Variants in DISP1 observed in about 807,000 individuals in gnomAD.
DISP1 encodes the protein protein dispatched homolog 1.
A neutral mutation model predicts 37.3 loss-of-function variants in DISP1; 30 were observed. The observed-to-expected ratio is 0.80, with a 90% confidence interval of 0.60 to 1.09. The LOEUF is 1.09. Ranked by LOEUF, DISP1 falls within the 50% of genes least tolerant of loss-of-function variation. The pLI is 0.00. For missense variants in DISP1, 1,598 were observed against 1,879.5 expected, an observed-to-expected ratio of 0.85 and a Z score of 2.77; for synonymous variants, 634 against 690.2, an observed-to-expected ratio of 0.92 and a Z score of 1.28.
At chr1:222,979,036 A>G (rs985862823) in intron 3 of DISP1, among the ~76,000 whole-genome samples, 1 of 152,088 alleles carries the variant, frequency 6.6e-6, no homozygotes, top group Non-Finnish European at 1.5e-5. Flanking sequence ...ACTTTAAAGT[A>G]GTTTTTTCCA....
At chr1:222,998,977 C>T (rs771163815) in intron 8 of DISP1, among the ~76,000 whole-genome samples, 4 of 152,082 alleles carry the variant, frequency 2.6e-5, no homozygotes, top group Non-Finnish European at 4.4e-5. Context: ...GAGGAGGGTC[C>T]GGCAGTCAAT....
chr1:222,891,635 T>C (rs1670948583), intron 1 of DISP1, among the ~76,000 whole-genome samples: 1 of 152,092 alleles, frequency 6.6e-6, no homozygotes. Context: ...GGATTACTGC[T>C]TGGGAAACCA....
chr1:222,968,473 G>C (rs1234667416), intron 3 of DISP1, among the ~76,000 whole-genome samples: 1 of 152,092 alleles, frequency 6.6e-6, no homozygotes, highest in African/African-American at 2.4e-5. Context: ...ACTGTTACTA[G>C]ATGACATGAA....
rs1422541653 is a variant in DISP1, at chr1:222,863,400, GT to G, written c.-159+48323del. On this transcript the variant is annotated intron_variant, in intron 1 of 8. Coordinates refer to ENST00000675850, the MANE Select transcript of DISP1 (RefSeq NM_001377229.1). ...CTGGGCATAGTGGCGTGTGCCTGTG[GT>G]CCCAGCTACTTGGGAGGGAGGCTGA... 4.6e-5 allele frequency among the ~76,000 whole-genome samples: 7 copies of G among 152,118 alleles called. No homozygotes were observed. The East Asian group carries it at 1.2e-3, about 25-fold the overall frequency.
intron 1 of DISP1, among the ~76,000 whole-genome samples, chr1:222,917,915 G>A (rs2125435445): frequency 6.6e-6 from 1 of 152,308 alleles, no homozygotes; most frequent in Non-Finnish European, 1.5e-5. Context: ...GTGGGAAAAT[G>A]TCATAAGTGT....
At chr1:222,867,425 T>C (rs1164695217) in intron 1 of DISP1, among the ~76,000 whole-genome samples, 1 of 152,182 alleles carries the variant, frequency 6.6e-6, no homozygotes, top group Non-Finnish European at 1.5e-5. Flanking sequence ...CTTAAGTGGC[T>C]TGCTTTCTTG....
At chr1:222,824,115 C>G (rs984916611) in intron 1 of DISP1, among the ~76,000 whole-genome samples, 1 of 152,118 alleles carries the variant, frequency 6.6e-6, no homozygotes, top group Admixed American at 6.5e-5. Flanking sequence ...TATTAAGTTA[C>G]ATATTAATTT....
intron 1 of DISP1, among the ~76,000 whole-genome samples, chr1:222,904,579 T>A (rs567190384): frequency 3.0e-4 from 46 of 151,682 alleles, no homozygotes; most frequent in East Asian, 1.5e-3. Context: ...ATTTTATTTT[T>A]TTTTTTGAGA....
chr1:222,938,397 G>A (rs748942115), intron 2 of DISP1, among the ~76,000 whole-genome samples: 3 of 151,500 alleles, frequency 2.0e-5, no homozygotes, highest in East Asian at 1.9e-4. Context: ...AGTTCCCTCC[G>A]TCTTAGGCTC....
rs765644354 is a variant in DISP1, at chr1:222,943,164, C to T, written c.341C>T (p.Ser114Leu). ...CCTGCAGCACCCTCTGCTTTGGCCT[C>T]GTGTTGCATGCAGCCACACTCCGAG... Reference protein sequence around the residue: ...AGPAAPSALASCCMQPHSEYS... With the variant: ...AGPAAPSALALCCMQPHSEYS... The change falls in exon 3 of 9, where the codon TCG (serine) becomes TTG (leucine). Residue 114 changes from serine to leucine, a missense_variant. Physicochemically the swap from Ser to Leu is moderately radical, Grantham distance 145. Transcript: ENST00000675850. 8.1e-5 allele frequency: 130 copies of T among 1,611,512 alleles called. 1 individual carries two copies. The highest frequency in any genetic ancestry group is 1.1e-4 in the Non-Finnish European group (127 of 1,177,844).
At position 222,943,087 on chromosome 1, in the gene DISP1, T is replaced by A; in HGVS notation, c.264T>A (p.His88Gln). The A allele has an allele frequency of 6.2e-7, 1 of 1,614,184 alleles. No homozygotes were observed. Among genetic ancestry groups the A allele is most frequent in the Non-Finnish European group, 8.5e-7 (1 of 1,180,020 alleles). The part of the protein sequence containing the change: ...LPQCCHPCPY[H>Q]HPLTSHSSHQ... ...AATGCTGCCATCCTTGCCCATACCA[T>A]CACCCTTTGACTAGCCATAGCAGTC... Residue 88 changes from histidine (H) to glutamine (Q), a missense_variant, in exon 3 of 9, where the codon CAT becomes CAA. By Grantham distance (24) the His-to-Gln change is conservative. Transcript: ENST00000675850.
intron 1 of DISP1, among the ~76,000 whole-genome samples, chr1:222,877,001 GT>G (rs1364925826): frequency 4.6e-5 from 7 of 152,144 alleles, no homozygotes; most frequent in African/African-American, 1.7e-4. Context: ...ATATGAACAT[GT>G]TGTGAAAACA....
intron 1 of DISP1, among the ~76,000 whole-genome samples, chr1:222,911,059 G>C (rs766746192): frequency 5.3e-5 from 8 of 152,154 alleles, no homozygotes; most frequent in Non-Finnish European, 1.0e-4. Context: ...GTATCTTTAA[G>C]AAATTCACAG....
chr1:222,866,547 G>A (rs1251359051), intron 1 of DISP1, among the ~76,000 whole-genome samples: 2 of 152,084 alleles, frequency 1.3e-5, no homozygotes, highest in Middle Eastern at 3.2e-3. Flanking sequence ...GTTTCACCAT[G>A]TTGGTCAGGC....
At chr1:222,967,225 A>G (rs1558057613) in intron 3 of DISP1, among the ~76,000 whole-genome samples, 2 of 152,148 alleles carry the variant, frequency 1.3e-5, no homozygotes, top group Non-Finnish European at 2.9e-5. Flanking sequence ...TGATTTCAGA[A>G]TCTGAGAAGT....
At chr1:222,842,992 T>C (rs1667696957) in intron 1 of DISP1, among the ~76,000 whole-genome samples, 1 of 152,196 alleles carries the variant, frequency 6.6e-6, no homozygotes, top group South Asian at 2.1e-4. Flanking sequence ...ATTTTAGGAA[T>C]GGCATTTAAA....
intron 1 of DISP1, among the ~76,000 whole-genome samples, chr1:222,880,780 G>C (rs1670230291): frequency 6.6e-6 from 1 of 152,134 alleles, no homozygotes; most frequent in Admixed American, 6.5e-5. Context: ...AAATGTCTGG[G>C]CCAGACATGG....
At chr1:222,906,155 A>G (rs1190926758) in intron 1 of DISP1, among the ~76,000 whole-genome samples, 1 of 152,222 alleles carries the variant, frequency 6.6e-6, no homozygotes, top group East Asian at 1.9e-4. Context: ...AGATACTGCA[A>G]ATGTATTCAA....
At chr1:223,001,836 T>A (rs1679476534) in intron 8 of DISP1, among the ~76,000 whole-genome samples, 1 of 152,214 alleles carries the variant, frequency 6.6e-6, no homozygotes, top group African/African-American at 2.4e-5. Flanking sequence ...AGCACAAACA[T>A]TCAGACCAAA....
Sources: allele counts gnomAD v4.1 joint callset (sites outside exome capture counted in the v4.1 genomes callset), GRCh38; gene constraint gnomAD v4.1.1; transcripts MANE v1.5; gene names NCBI Gene and HGNC (gene_info 2026-07-23, HGNC 2026-07-21).